PRELID2: variants seen among roughly 807,000 people sequenced by gnomAD.
PRELID2 encodes PRELI domain containing 2.
In PRELID2, 25 loss-of-function variants were observed where a neutral mutation model predicts 28.4. The ratio of observed to expected loss-of-function variants is 0.88; its 90% confidence interval spans 0.64 to 1.23. PRELID2 has a LOEUF of 1.23. PRELID2 is among the 50% of genes most tolerant of loss of function. The probability of loss-of-function intolerance (pLI) is 0.00; values close to 1 mark genes in which losing one functional copy is unlikely to be tolerated. For missense variants in PRELID2, 201 were observed against 214.4 expected, an observed-to-expected ratio of 0.94 and a Z score of 0.39; for synonymous variants, 76 against 71.6, an observed-to-expected ratio of 1.06 and a Z score of -0.31.
the PRELID2 span, among the ~76,000 whole-genome samples, chr5:145,304,028 G>T: frequency 6.6e-6 from 1 of 152,054 alleles, no homozygotes; most frequent in Non-Finnish European, 1.5e-5. Context: ...GAAATATGCA[G>T]GTGAAGGGGC....
intron 1 of PRELID2, among the ~76,000 whole-genome samples, chr5:145,620,123 C>T (rs1753753764): frequency 2.0e-5 from 3 of 152,160 alleles, no homozygotes; most frequent in South Asian, 4.1e-4. Flanking sequence ...AACCTGAACA[C>T]ATTCATATTA....
At chr5:145,629,029 T>C (rs1489178159) in intron 1 of PRELID2, among the ~76,000 whole-genome samples, 2 of 152,228 alleles carry the variant, frequency 1.3e-5, no homozygotes, top group East Asian at 3.9e-4. Context: ...AATTTATTCC[T>C]GGTCCCAGAA....
At chr5:145,443,924 C>T in the PRELID2 span, among the ~76,000 whole-genome samples, 2 of 152,144 alleles carry the variant, frequency 1.3e-5, no homozygotes, top group African/African-American at 4.8e-5. Flanking sequence ...CTCTTAAGAG[C>T]AAATAGTCTT....
chr5:145,321,426 G>T, the PRELID2 span, among the ~76,000 whole-genome samples: 1 of 152,168 alleles, frequency 6.6e-6, no homozygotes, highest in African/African-American at 2.4e-5. Context: ...CCTTCTGAAA[G>T]ACTCTGCACA....
intron 1 of PRELID2, among the ~76,000 whole-genome samples, chr5:145,725,355 T>C (rs1294064421): frequency 1.3e-5 from 2 of 152,132 alleles, no homozygotes; most frequent in Admixed American, 6.6e-5. Flanking sequence ...TTGGTAGAAA[T>C]GTAGGGATGT....
chr5:145,691,229 C>T (rs1755143109), intron 1 of PRELID2, among the ~76,000 whole-genome samples: 2 of 152,176 alleles, frequency 1.3e-5, no homozygotes, highest in African/African-American at 4.8e-5. Context: ...ACGTTTCAGC[C>T]AACAAATATT....
the PRELID2 span, among the ~76,000 whole-genome samples, chr5:145,345,148 T>C: frequency 6.6e-6 from 1 of 152,150 alleles, no homozygotes; most frequent in Non-Finnish European, 1.5e-5. Flanking sequence ...ATTTTAATTT[T>C]TACTTATCCA....
At chr5:145,635,731 C>G (rs116546568) in intron 1 of PRELID2, among the ~76,000 whole-genome samples, 15 of 152,166 alleles carry the variant, frequency 9.9e-5, no homozygotes, top group Non-Finnish European at 2.1e-4. Flanking sequence ...CAAGGTCCTT[C>G]GATGTTTGAA....
At chr5:145,386,759 A>T in the PRELID2 span, among the ~76,000 whole-genome samples, 2 of 152,236 alleles carry the variant, frequency 1.3e-5, no homozygotes, top group African/African-American at 4.8e-5. Flanking sequence ...CAAATATCTC[A>T]TAGAATAAAT....
the PRELID2 span, among the ~76,000 whole-genome samples, chr5:145,330,657 TTTCTC>T: frequency 2.6e-5 from 4 of 152,188 alleles, no homozygotes; most frequent in African/African-American, 9.7e-5. Context: ...ATTTGATTCT[TTTCTC>T]TTTTCTTCTT....
the PRELID2 span, among the ~76,000 whole-genome samples, chr5:145,234,072 G>C: frequency 1.3e-5 from 2 of 152,094 alleles, no homozygotes; most frequent in Admixed American, 6.6e-5. Context: ...TTAATTTGTT[G>C]TCAGTAGTGG....
chr5:145,328,815 A>C, the PRELID2 span, among the ~76,000 whole-genome samples: 1 of 151,946 alleles, frequency 6.6e-6, no homozygotes, highest in Non-Finnish European at 1.5e-5. Flanking sequence ...TTTTGTTGCC[A>C]TTGCTTTTAG....
chr5:145,715,246 C>A (rs1037887095), intron 1 of PRELID2, among the ~76,000 whole-genome samples: 5 of 152,058 alleles, frequency 3.3e-5, no homozygotes, highest in African/African-American at 2.4e-5. Flanking sequence ...ATTACTCAAG[C>A]CAAAAATCTA....
the PRELID2 span, among the ~76,000 whole-genome samples, chr5:145,378,089 C>A: frequency 8.5e-5 from 13 of 152,246 alleles, no homozygotes; most frequent in African/African-American, 3.1e-4. Context: ...ATTGGAATTT[C>A]TTTTAAGAAA....
the PRELID2 span, among the ~76,000 whole-genome samples, chr5:145,415,267 A>T: frequency 4.6e-5 from 7 of 151,212 alleles, no homozygotes; most frequent in Admixed American, 1.3e-4. Flanking sequence ...TTTTTATTTT[A>T]TTTTCTTTTT....
chr5:145,377,931 G>A, the PRELID2 span, among the ~76,000 whole-genome samples: 1 of 152,062 alleles, frequency 6.6e-6, no homozygotes, highest in Admixed American at 6.6e-5. Context: ...TTGTTTATGT[G>A]GTTGCTTTAT....
chr5:145,448,554 T>G, the PRELID2 span, among the ~76,000 whole-genome samples: 3 of 152,080 alleles, frequency 2.0e-5, no homozygotes, highest in African/African-American at 7.2e-5. Context: ...ATAAAACAGA[T>G]TTTAAACCAA....
chr5:145,587,058 G>C (rs2149628412), intron 1 of PRELID2, among the ~76,000 whole-genome samples: 1 of 152,238 alleles, frequency 6.6e-6, no homozygotes, highest in South Asian at 2.1e-4. Context: ...CCTGCTATCA[G>C]ACTAATGTTG....
chr5:145,527,370 A>G (rs1424581804), intron 1 of PRELID2, among the ~76,000 whole-genome samples: 2 of 152,234 alleles, frequency 1.3e-5, no homozygotes, highest in Non-Finnish European at 2.9e-5. Context: ...ATATTATACT[A>G]AATTTATGCA....
Sources: gnomAD v4.1 joint callset for allele counts (sites outside exome capture counted in the v4.1 genomes callset) on GRCh38, gnomAD v4.1.1 for gene constraint, MANE v1.5 for transcripts, NCBI Gene and HGNC (gene_info 2026-07-23, HGNC 2026-07-21) for gene names.